Variants in PDGFD observed in about 807,000 individuals in gnomAD.
The protein encoded by PDGFD is platelet derived growth factor D.
In PDGFD, 30 loss-of-function variants were observed where a neutral mutation model predicts 44.7. The observed-to-expected ratio is 0.67, with a 90% CI of 0.50 to 0.91. PDGFD has a LOEUF of 0.91. Ranked by LOEUF, PDGFD falls within the 40% of genes least tolerant of loss-of-function variation. The probability of loss-of-function intolerance (pLI) is 0.00; values close to 1 mark genes in which losing one functional copy is unlikely to be tolerated. For missense variants in PDGFD, 445 were observed against 457.8 expected, an observed-to-expected ratio of 0.97 and a Z score of 0.25; for synonymous variants, 173 against 168.4, an observed-to-expected ratio of 1.03 and a Z score of -0.21.
chr11:104,135,751 T>C (rs1325548468), intron 1 of PDGFD, among the ~76,000 whole-genome samples: 2 of 152,138 alleles, frequency 1.3e-5, no homozygotes, highest in Non-Finnish European at 2.9e-5. Context: ...AAAGCTACTT[T>C]AGAAAACACT....
At chr11:103,979,222 T>C (rs11600945) in intron 3 of PDGFD, among the ~76,000 whole-genome samples, 2,208 of 152,218 alleles carry the variant, frequency 0.015, 36 homozygotes, top group Non-Finnish European at 0.023. Context: ...AGCTTTAGGT[T>C]CTGTTGCTTT....
chr11:104,032,941 T>C (rs990367905), intron 1 of PDGFD, among the ~76,000 whole-genome samples: 2 of 152,076 alleles, frequency 1.3e-5, no homozygotes, highest in Admixed American at 6.6e-5. Flanking sequence ...AAGAAAAGTT[T>C]TGATAACCTC....
rs748342360 is a variant in PDGFD, at chr11:104,045,979, G to T, written c.125-45724C>A. Among the ~76,000 whole-genome samples the T allele has an allele frequency of 5.5e-5, 8 of 146,672 alleles. 1 individual carries two copies. The highest frequency in any genetic ancestry group is 1.1e-4 in the Non-Finnish European group (7 of 65,778). On this transcript the variant is annotated intron_variant, in intron 1 of 6. Coordinates refer to ENST00000393158, the MANE Select transcript of PDGFD (RefSeq NM_025208.5). ...ACTGTAAAGAGTCCAGAAACTGGGG[G>T]GCAAGCAGAGGAAGATATTACCAGA... is the stretch of plus-strand genomic sequence containing the variant.
intron 6 of PDGFD, among the ~76,000 whole-genome samples, chr11:103,914,398 G>A (rs1858081082): frequency 6.6e-6 from 1 of 152,114 alleles, no homozygotes; most frequent in African/African-American, 2.4e-5. Flanking sequence ...GACTAAACCA[G>A]GAAGAAGTCA....
At chr11:104,160,968 G>C (rs2119935967) in intron 1 of PDGFD, among the ~76,000 whole-genome samples, 1 of 152,282 alleles carries the variant, frequency 6.6e-6, no homozygotes, top group South Asian at 2.1e-4. Context: ...TCAAGAAGTT[G>C]TGGGGTTTTA....
At chr11:103,948,331 A>G (rs1402712057) in intron 3 of PDGFD, among the ~76,000 whole-genome samples, 1 of 152,180 alleles carries the variant, frequency 6.6e-6, no homozygotes, top group Non-Finnish European at 1.5e-5. Context: ...GTAGTGACTA[A>G]GTACTGCCCA....
At chr11:104,040,594 A>T (rs1312667149) in intron 1 of PDGFD, among the ~76,000 whole-genome samples, 1 of 152,056 alleles carries the variant, frequency 6.6e-6, no homozygotes, top group Admixed American at 6.5e-5. Context: ...TACTTTGCAT[A>T]TTACTGCCCT....
intron 1 of PDGFD, among the ~76,000 whole-genome samples, chr11:104,095,246 C>A (rs559453551): frequency 6.6e-6 from 1 of 152,144 alleles, no homozygotes; most frequent in Admixed American, 6.6e-5. Flanking sequence ...TTAGTGTCAC[C>A]CAACTAAACT....
intron 1 of PDGFD, among the ~76,000 whole-genome samples, chr11:104,012,755 A>G (rs769873247): frequency 2.1e-4 from 32 of 152,208 alleles, no homozygotes; most frequent in African/African-American, 7.0e-4. Context: ...GTGGGGCTCC[A>G]CTTCATGTTT....
intron 6 of PDGFD, among the ~76,000 whole-genome samples, chr11:103,912,755 C>A (rs561634823): frequency 4.9e-4 from 74 of 151,696 alleles, no homozygotes; most frequent in Middle Eastern, 3.4e-3. Context: ...AAAAGACACA[C>A]ATAGGCTCAA....
intron 3 of PDGFD, among the ~76,000 whole-genome samples, chr11:103,991,083 G>A (rs932915184): frequency 2.0e-5 from 3 of 151,662 alleles, no homozygotes; most frequent in African/African-American, 7.3e-5. Context: ...AGCTTGCAGT[G>A]AGCCGAGATT....
At chr11:103,960,690 G>A (rs1033962074) in intron 3 of PDGFD, among the ~76,000 whole-genome samples, 5 of 152,124 alleles carry the variant, frequency 3.3e-5, no homozygotes, top group African/African-American at 1.2e-4. Flanking sequence ...TTGTGTCTTA[G>A]TCAGTTGGAG....
At chr11:104,109,989 A>G (rs1861529074) in intron 1 of PDGFD, among the ~76,000 whole-genome samples, 1 of 152,138 alleles carries the variant, frequency 6.6e-6, no homozygotes, top group Non-Finnish European at 1.5e-5. Flanking sequence ...CACATTATCA[A>G]ATGAGCTAAC....
chr11:104,041,605 G>C (rs1367194995), intron 1 of PDGFD, among the ~76,000 whole-genome samples: 6 of 151,880 alleles, frequency 4.0e-5, no homozygotes, highest in African/African-American at 1.5e-4. Flanking sequence ...AAAATCCTTG[G>C]CTTCACTTAA....
intron 3 of PDGFD, among the ~76,000 whole-genome samples, chr11:103,995,691 GA>G (rs1327101818): frequency 6.6e-6 from 1 of 152,160 alleles, no homozygotes; most frequent in Non-Finnish European, 1.5e-5. Flanking sequence ...CAAACTAAAA[GA>G]GGAAATTATT....
chr11:104,121,716 C>T (rs889711327), intron 1 of PDGFD, among the ~76,000 whole-genome samples: 6 of 152,002 alleles, frequency 3.9e-5, no homozygotes, highest in African/African-American at 9.7e-5. Flanking sequence ...AGTTAGTTTA[C>T]GGTGCATCAC....
intron 1 of PDGFD, among the ~76,000 whole-genome samples, chr11:104,158,164 T>C (rs142446935): frequency 1.3e-5 from 2 of 152,204 alleles, no homozygotes; most frequent in Non-Finnish European, 2.9e-5. Context: ...TCACACTCTT[T>C]AGAACTTCAC....
chr11:104,036,824 T>C (rs919629623), intron 1 of PDGFD: 3 of 1,612,074 alleles, frequency 1.9e-6, no homozygotes, highest in African/African-American at 1.3e-5. Flanking sequence ...GCCCCCGCCA[T>C]GCTGATCACC....
chr11:104,138,765 A>G (rs74802391), intron 1 of PDGFD, among the ~76,000 whole-genome samples: 7 of 152,176 alleles, frequency 4.6e-5, no homozygotes, highest in African/African-American at 1.7e-4. Flanking sequence ...TACAGTATGG[A>G]GTCTCATTTT....
Sources: gnomAD v4.1 joint callset for allele counts (sites outside exome capture counted in the v4.1 genomes callset) on GRCh38, gnomAD v4.1.1 for gene constraint, MANE v1.5 for transcripts, NCBI Gene and HGNC (gene_info 2026-07-23, HGNC 2026-07-21) for gene names.